OSBPL3: variants seen among roughly 807,000 people sequenced by gnomAD.
The protein encoded by OSBPL3 is oxysterol binding protein like 3.
OSBPL3 carries 65 observed loss-of-function variants against 120.1 expected under a neutral mutation model. That is an observed-to-expected ratio of 0.54 (90% confidence interval 0.44 to 0.67). The LOEUF (loss-of-function observed/expected upper bound fraction) is 0.67, where lower values mean the gene tolerates loss of function less well. Among genes scored for constraint, OSBPL3 ranks in the 30% least tolerant of loss-of-function variants. OSBPL3 has a pLI of 0.00. For synonymous variants in OSBPL3, 416 were observed against 402.6 expected (o/e 1.03, Z -0.40); for missense variants, 1,004 against 1,082.1 (o/e 0.93, Z 1.01).
chr7:24,969,572 T>C (rs1429666770), intron 1 of OSBPL3, among the ~76,000 whole-genome samples: 1 of 152,208 alleles, frequency 6.6e-6, no homozygotes, highest in African/African-American at 2.4e-5. Flanking sequence ...TATTTTTTTG[T>C]ATTTCTATTT....
At chr7:24,914,619 A>G (rs1041695294) in intron 1 of OSBPL3, among the ~76,000 whole-genome samples, 1 of 152,018 alleles carries the variant, frequency 6.6e-6, no homozygotes, top group African/African-American at 2.4e-5. Flanking sequence ...CTCCTCTGAA[A>G]AAGTCGATGG....
In OSBPL3 at chr7:24,933,471, T is replaced by A. The variant is rs921143037; in HGVS notation, c.-149-40850A>T. On this transcript the variant is annotated intron_variant, in intron 1 of 22. Transcript: ENST00000313367. The surrounding 1 kb of genome is among the most constrained non-coding windows in gnomAD (Gnocchi z 5.1). The stretch of plus-strand genomic sequence containing the variant: ...TGAATATTTAAAAAGATGCCCAACA[T>A]CAGGAGAACAAAAAAAATCCAGAAA... Among the ~76,000 whole-genome samples, 1 of 152,028 alleles carries A rather than the reference T, an allele frequency of 6.6e-6. No homozygotes were observed. Among genetic ancestry groups the A allele is most frequent in the Non-Finnish European group, 1.5e-5 (1 of 67,994 alleles).
rs1457836431 is a variant in OSBPL3, at chr7:24,940,925, T to C, written c.-150+38961A>G. ...AGCTCTGCCTCCCGGGTTCAAGCCATTCTCCTGCCCCAGCCTCCCAAGTAG... is the reference window on the plus strand; with the variant it reads ...AGCTCTGCCTCCCGGGTTCAAGCCACTCTCCTGCCCCAGCCTCCCAAGTAG... On this transcript the variant is annotated intron_variant, in intron 1 of 22. Transcript: ENST00000313367. This position sits in a 1 kb window ranked among gnomAD's most constrained non-coding sequence, Gnocchi z 4.4. Among the ~76,000 whole-genome samples the C allele has an allele frequency of 6.6e-6, 1 of 151,736 alleles. No individual in the cohort carries two copies. Among genetic ancestry groups the C allele is most frequent in the Non-Finnish European group, 1.5e-5 (1 of 67,968 alleles).
At position 24,979,939 on chromosome 7, in the gene OSBPL3, G is replaced by T; in HGVS notation, c.-203C>A. On this transcript the variant is annotated 5_prime_UTR_variant, in exon 1 of 23. Transcript: ENST00000313367. ...CTAGTTCCCCGGGGCCGGGCTCCGG[G>T]GTTAGCGCACAGAACCGGGAGAAGG... 1.0e-6 allele frequency: 1 copy of T among 977,412 alleles called. No homozygotes were observed. The highest frequency in any genetic ancestry group is 1.2e-6 in the Non-Finnish European group (1 of 826,448). 60.5% of individuals were successfully genotyped at this position (977,412 alleles called of 1,614,324 possible).
upstream of OSBPL3, chr7:24,981,710 T>C (rs1226164025): frequency 6.6e-6 from 1 of 152,554 alleles, no homozygotes; most frequent in East Asian, 1.9e-4. This position sits in a 1 kb window ranked among gnomAD's most constrained non-coding sequence, Gnocchi z 7.3. Flanking sequence ...GCAAATCCAC[T>C]GTCATGCTGC....
chr7:24,804,237 G>A lies in OSBPL3; in HGVS notation c.2567+78C>T. 22 of 1,550,428 alleles carry A rather than the reference G, an allele frequency of 1.4e-5. No individual in the cohort carries two copies. The highest frequency in any genetic ancestry group is 1.9e-5 in the Non-Finnish European group (21 of 1,124,174). ...AATGCTCTTATCTGGGGACAGTACT[G>A]TTCACTTTCTGCAAACCAGAAGCAT... On this transcript the variant is annotated intron_variant, in intron 22 of 22. Transcript: ENST00000313367. The surrounding 1 kb of genome is among the most constrained non-coding windows in gnomAD (Gnocchi z 5.4).
In OSBPL3 at chr7:24,837,361, G is replaced by A. The variant is rs969761597; in HGVS notation, c.1496-2625C>T. Among the ~76,000 whole-genome samples the A allele has an allele frequency of 1.3e-4, 19 of 151,876 alleles. No individual in the cohort carries two copies. In the East Asian group the frequency reaches 1.9e-3, roughly 15 times the overall value. Reference sequence around the variant, plus strand: ...TCAGACTACAGACATGCTACACCACGCCTGGCTAGTTTTTGTATCTTTTTT... The same window carrying A: ...TCAGACTACAGACATGCTACACCACACCTGGCTAGTTTTTGTATCTTTTTT... On this transcript the variant is annotated intron_variant, in intron 14 of 22. Transcript: ENST00000313367.
At position 24,967,214 on chromosome 7, in the gene OSBPL3, A is replaced by G. The variant is rs1816492138; in HGVS notation, c.-150+12672T>C. On this transcript the variant is annotated intron_variant, in intron 1 of 22. Coordinates refer to ENST00000313367, the MANE Select transcript of OSBPL3 (RefSeq NM_015550.4). The surrounding 1 kb of genome is among the most constrained non-coding windows in gnomAD (Gnocchi z 5.6). ...AATTTTTGTATTTGACTACCAGTTG[A>G]ACTGATTAACACATATTCCCTTGCT... 6.6e-6 allele frequency among the ~76,000 whole-genome samples: 1 copy of G among 152,194 alleles called. No individual in the cohort carries two copies. Among genetic ancestry groups the G allele is most frequent in the Non-Finnish European group, 1.5e-5 (1 of 68,034 alleles).
At chr7:24,828,621 AG>A (rs67120702) in intron 16 of OSBPL3, among the ~76,000 whole-genome samples, 23,402 of 96,950 alleles carry the variant, frequency 0.24, 3,104 homozygotes, top group Non-Finnish European at 0.3. Context: ...AAAAAAAAAA[AG>A]AAAAAAAAAA....
intron 1 of OSBPL3, among the ~76,000 whole-genome samples, chr7:24,948,349 T>A (rs970601313): frequency 1.3e-5 from 2 of 152,054 alleles, no homozygotes; most frequent in African/African-American, 4.8e-5. Flanking sequence ...GGTAGACCTA[T>A]GGCTTACAGG....
rs1180446312 is a variant in OSBPL3 at position 24,891,883 on chromosome 7, G to A, written c.96+494C>T. 6.6e-6 allele frequency among the ~76,000 whole-genome samples: 1 copy of A among 152,222 alleles called. No homozygotes were observed. The highest frequency in any genetic ancestry group is 2.4e-5 in the African/African-American group (1 of 41,450). On this transcript the variant is annotated intron_variant, in intron 2 of 22. Coordinates refer to ENST00000313367, the MANE Select transcript of OSBPL3 (RefSeq NM_015550.4). This position sits in a 1 kb window ranked among gnomAD's most constrained non-coding sequence, Gnocchi z 4.1. Reference sequence around the variant, plus strand: ...CTCGAAGCTACTAACAGGGCAATCTGTGGTTACAAGCTGCCATAAAAGGTT... The same window carrying A: ...CTCGAAGCTACTAACAGGGCAATCTATGGTTACAAGCTGCCATAAAAGGTT...
In OSBPL3 at chr7:24,883,280, T is replaced by A. The variant is rs1803997853; in HGVS notation, c.96+9097A>T. ...GGCCAGGGTGTAGGTTTTAGAGGGA[T>A]ATCAGATGACACTAGGGAAGTCTTC... On this transcript the variant is annotated intron_variant, in intron 2 of 22. Coordinates refer to ENST00000313367, the MANE Select transcript of OSBPL3 (RefSeq NM_015550.4). The surrounding 1 kb of genome is among the most constrained non-coding windows in gnomAD (Gnocchi z 5.4). Among the ~76,000 whole-genome samples the A allele has an allele frequency of 6.6e-6, 1 of 152,178 alleles. No individual in the cohort carries two copies. The highest frequency in any genetic ancestry group is 2.4e-5 in the African/African-American group (1 of 41,448).
rs1225034872 is a variant in OSBPL3 at position 24,806,910 on chromosome 7, G to T, written c.2318-8C>A. 1 of 1,600,296 alleles carries T rather than the reference G, an allele frequency of 6.2e-7. No homozygotes were observed. Among genetic ancestry groups the T allele is most frequent in the East Asian group, 2.2e-5 (1 of 44,524 alleles). On this transcript the variant is annotated splice_region_variant and splice_polypyrimidine_tract_variant and intron_variant, in intron 20 of 22. Coordinates refer to ENST00000313367, the MANE Select transcript of OSBPL3 (RefSeq NM_015550.4). The surrounding 1 kb of genome is among the most constrained non-coding windows in gnomAD (Gnocchi z 5.2). ...AGCCTTTCGGCATAGGATCTAAGAA[G>T]AAAATAAATCATTCACCCCTAACTT...
intron 1 of OSBPL3, among the ~76,000 whole-genome samples, chr7:24,903,064 C>T (rs1055007477): frequency 1.3e-5 from 2 of 152,206 alleles, no homozygotes; most frequent in African/African-American, 4.8e-5. Context: ...AGACAAGGTG[C>T]TGCTGGGCTG....
intron 1 of OSBPL3, among the ~76,000 whole-genome samples, chr7:24,923,114 C>A (rs1458528582): frequency 2.0e-5 from 3 of 152,162 alleles, no homozygotes; most frequent in Non-Finnish European, 4.4e-5. Flanking sequence ...AAATCTAATC[C>A]TAGAAGATAG....
chr7:24,870,375 C>T (rs4722395), intron 5 of OSBPL3, among the ~76,000 whole-genome samples: 71,305 of 152,054 alleles, frequency 0.47, 18,490 homozygotes, highest in East Asian at 0.83. Context: ...CTAAATGTTA[C>T]ATATATATTT....
In OSBPL3 at chr7:24,938,860, A is replaced by C. The variant is rs1812755563; in HGVS notation, c.-150+41026T>G. On this transcript the variant is annotated intron_variant, in intron 1 of 22. Coordinates refer to ENST00000313367, the MANE Select transcript of OSBPL3 (RefSeq NM_015550.4). The surrounding 1 kb of genome is among the most constrained non-coding windows in gnomAD (Gnocchi z 5.8). ...TTTGAGAGCAAAACTAATGTGGCCA[A>C]GAAAGAAAAAAAAAAAAGATTGTTA... Among the ~76,000 whole-genome samples, 1 of 150,320 alleles carries C rather than the reference A, an allele frequency of 6.7e-6. No homozygotes were observed. The highest frequency in any genetic ancestry group is 1.9e-4 in the East Asian group (1 of 5,152).
intron 10 of OSBPL3, among the ~76,000 whole-genome samples, chr7:24,857,368 T>TG (rs1799963171): frequency 6.6e-6 from 1 of 152,218 alleles, no homozygotes; most frequent in African/African-American, 2.4e-5. Context: ...TTCCTTGCTT[T>TG]GCCATCCTAA....
At chr7:24,842,011 T>TAAA (rs879318638) in intron 13 of OSBPL3, among the ~76,000 whole-genome samples, 1 of 141,576 alleles carries the variant, frequency 7.1e-6, no homozygotes, top group Non-Finnish European at 1.5e-5. Flanking sequence ...AGGCTCTGTT[T>TAAA]AAAAAAAAAA....
Sources: gnomAD v4.1 joint callset for allele counts (sites outside exome capture counted in the v4.1 genomes callset) on GRCh38, gnomAD v4.1.1 for gene constraint, Gnocchi (gnomAD v3.1) non-coding constraint, MANE v1.5 for transcripts, NCBI Gene and HGNC (gene_info 2026-07-23, HGNC 2026-07-21) for gene names.